Variants in CEMIP observed in about 807,000 individuals in gnomAD.
CEMIP encodes cell migration-inducing and hyaluronan-binding protein.
CEMIP carries 105 observed loss-of-function variants against 156.9 expected under a neutral mutation model. That is an observed-to-expected ratio of 0.67 (90% CI 0.57 to 0.79). The LOEUF (loss-of-function observed/expected upper bound fraction) is 0.79, where lower values mean the gene tolerates loss of function less well. Among genes scored for constraint, CEMIP ranks in the 30% least tolerant of loss-of-function variants. The pLI is 0.00. For synonymous variants in CEMIP, 676 were observed against 668.4 expected, an observed-to-expected ratio of 1.01 and a Z score of -0.17; for missense variants, 1,457 against 1,769.4, an observed-to-expected ratio of 0.82 and a Z score of 3.17.
chr15:80,806,619 A>G (rs2141615183), intron 1 of CEMIP, among the ~76,000 whole-genome samples: 1 of 152,310 alleles, frequency 6.6e-6, no homozygotes, highest in African/African-American at 2.4e-5. Context: ...TCATGGTAAA[A>G]TTAAGTATAA....
chr15:80,930,696 C>T (rs1214484502), intron 21 of CEMIP, among the ~76,000 whole-genome samples: 1 of 152,232 alleles, frequency 6.6e-6, no homozygotes, highest in African/African-American at 2.4e-5. Context: ...GGCATGTTAC[C>T]GTGACTGCTG....
chr15:80,951,486 T>G lies in CEMIP; in HGVS notation c.*2562T>G, dbSNP rs185981375. 1.6e-4 allele frequency: 24 copies of G among 152,788 alleles called. No homozygotes were observed. The highest frequency in any genetic ancestry group is 5.5e-4 in the African/African-American group (23 of 41,586). The allele number at this position is 152,788 out of a possible 1,614,324, so 9.5% of individuals were successfully genotyped here. A position where few individuals can be genotyped will look rare whatever the true frequency, so the allele number is the denominator to read the frequency against. On this transcript the variant is annotated 3_prime_UTR_variant, in exon 30 of 30. Coordinates refer to ENST00000394685, the MANE Select transcript of CEMIP (RefSeq NM_001293298.2). ...CAACGCTCCTCTGAAATGCTTGTCTTTTTTCTGTTGCCGAAATAGCTGGTC... is the reference window on the plus strand; with the variant it reads ...CAACGCTCCTCTGAAATGCTTGTCTGTTTTCTGTTGCCGAAATAGCTGGTC...
chr15:80,884,753 T>A (rs1898779650), intron 7 of CEMIP, among the ~76,000 whole-genome samples: 1 of 152,188 alleles, frequency 6.6e-6, no homozygotes, highest in African/African-American at 2.4e-5. Flanking sequence ...GTGAAGTGTC[T>A]CTGCTGAGGC....
chr15:80,911,685 G>C (rs559315565), intron 14 of CEMIP, among the ~76,000 whole-genome samples: 1 of 152,238 alleles, frequency 6.6e-6, no homozygotes, highest in African/African-American at 2.4e-5. Flanking sequence ...TCCTCTCAGG[G>C]TGGTTCAGTT....
rs1901148151 is a variant in CEMIP at position 80,936,905 on chromosome 15, G to C, written c.3221+20G>C. On this transcript the variant is annotated intron_variant, in intron 24 of 29. Transcript: ENST00000394685. The stretch of plus-strand genomic sequence containing the variant: ...CAACAAGTGAGTGGGTGTCCAGCCA[G>C]GAGCAGTGAGCTCAAAGCTGATAAC... 1 of 1,609,974 alleles carries C rather than the reference G, an allele frequency of 6.2e-7. No homozygotes were observed. The highest frequency in any genetic ancestry group is 8.5e-7 in the Non-Finnish European group (1 of 1,176,740).
intron 13 of CEMIP, among the ~76,000 whole-genome samples, chr15:80,908,077 A>G (rs1452597963): frequency 6.6e-6 from 1 of 152,180 alleles, no homozygotes; most frequent in African/African-American, 2.4e-5. Flanking sequence ...AGCGCTCCCC[A>G]GTTATTATCA....
intron 1 of CEMIP, among the ~76,000 whole-genome samples, chr15:80,825,824 C>T (rs1897023723): frequency 6.6e-6 from 1 of 152,186 alleles, no homozygotes; most frequent in South Asian, 2.1e-4. Context: ...CTAAGATCTG[C>T]AGATAGCTCT....
In CEMIP at chr15:80,904,508, A is replaced by G. The variant is rs115107182; in HGVS notation, c.1412-2155A>G. Among the ~76,000 whole-genome samples, 850 of 152,340 alleles carry G rather than the reference A, an allele frequency of 5.6e-3. 7 individuals are homozygous for G. Among genetic ancestry groups the G allele is most frequent in the African/African-American group, 0.019 (790 of 41,578 alleles). ...TTATGTGACAAAAGGGACTTTGCAG[A>G]TGTGGTAAATTAAGGTTCTGGAGAT... is the stretch of plus-strand genomic sequence containing the variant. On this transcript the variant is annotated intron_variant, in intron 12 of 29. Transcript: ENST00000394685.
chr15:80,890,254 T>C (rs79283020), intron 10 of CEMIP, among the ~76,000 whole-genome samples: 3,060 of 152,146 alleles, frequency 0.02, 100 homozygotes, highest in African/African-American at 0.07. Context: ...AAGACAAGAT[T>C]TGAGGCTGCT....
chr15:80,891,064 C>A lies in CEMIP; in HGVS notation c.1086+1472C>A, dbSNP rs372002376. On this transcript the variant is annotated intron_variant, in intron 10 of 29. Transcript: ENST00000394685. ...AACCTTGAATGTTCCAGCTTTAATTCTGAAATAGCCATAATCTTATCCCTC... is the reference window on the plus strand; with the variant it reads ...AACCTTGAATGTTCCAGCTTTAATTATGAAATAGCCATAATCTTATCCCTC... 2.6e-4 allele frequency among the ~76,000 whole-genome samples: 40 copies of A among 152,332 alleles called. 1 individual carries two copies. The South Asian group carries it at 8.3e-3, about 32-fold the overall frequency.
Position 80,835,996 on chromosome 15 carries a change from T to C in CEMIP, c.-175-37542T>C, listed in dbSNP as rs1161910850. ...TTTGGTTGGTTGGGAAACATCAAAA[T>C]AGGTCATGTGTAACTTGGTTTGCTC... is the stretch of plus-strand genomic sequence containing the variant. On this transcript the variant is annotated intron_variant, in intron 1 of 29. Coordinates refer to ENST00000394685, the MANE Select transcript of CEMIP (RefSeq NM_001293298.2). Among the ~76,000 whole-genome samples the C allele has an allele frequency of 2.1e-5, 3 of 145,852 alleles. No individual in the cohort carries two copies. In the Admixed American group the frequency reaches 2.1e-4, roughly 10 times the overall value.
intron 9 of CEMIP, among the ~76,000 whole-genome samples, chr15:80,889,229 A>G (rs1174482403): frequency 6.6e-6 from 1 of 152,280 alleles, no homozygotes; most frequent in African/African-American, 2.4e-5. Flanking sequence ...TTGCTTTTGC[A>G]ATAACAAAGA....
chr15:80,916,097 A>T (rs1900264573), intron 14 of CEMIP, among the ~76,000 whole-genome samples: 2 of 152,214 alleles, frequency 1.3e-5, no homozygotes, highest in Admixed American at 6.5e-5. Flanking sequence ...TACTTGCTGT[A>T]TACAGGTTGA....
At chr15:80,862,494 T>G (rs1898012402) in intron 1 of CEMIP, among the ~76,000 whole-genome samples, 1 of 152,142 alleles carries the variant, frequency 6.6e-6, no homozygotes. Flanking sequence ...AGGTCCTATG[T>G]GTGTTGAATG....
intron 7 of CEMIP, among the ~76,000 whole-genome samples, chr15:80,886,772 A>G (rs1407943110): frequency 6.6e-6 from 1 of 152,248 alleles, no homozygotes; most frequent in African/African-American, 2.4e-5. Context: ...AAAATGTGGT[A>G]GGACAAGGGG....
At chr15:80,813,492 G>A (rs564333367) in intron 1 of CEMIP, among the ~76,000 whole-genome samples, 1 of 152,114 alleles carries the variant, frequency 6.6e-6, no homozygotes, top group Non-Finnish European at 1.5e-5. Context: ...TGGGATTACA[G>A]GTGCTGCCAC....
intron 1 of CEMIP, among the ~76,000 whole-genome samples, chr15:80,860,025 GCA>G (rs1897947638): frequency 6.6e-6 from 1 of 151,894 alleles, no homozygotes; most frequent in African/African-American, 2.4e-5. Flanking sequence ...AGGCACACAC[GCA>G]CACACACATA....
intron 1 of CEMIP, among the ~76,000 whole-genome samples, chr15:80,857,940 G>A (rs776132962): frequency 6.6e-6 from 1 of 151,822 alleles, no homozygotes; most frequent in Non-Finnish European, 1.5e-5. Flanking sequence ...AAGCATTCCC[G>A]GCAGTAGGAG....
At position 80,924,657 on chromosome 15, in the gene CEMIP, GAGGC is replaced by G; in HGVS notation, c.2240_2243del (p.Glu747AlafsTer26). ...CATAGACAACGGAGTCAAAACCACC[GAGGC>G]CTCTGCCAAGGACAAGCGGCCGTTC... On this transcript the variant is annotated frameshift_variant, in exon 18 of 30. Coordinates refer to ENST00000394685, the MANE Select transcript of CEMIP (RefSeq NM_001293298.2). LOFTEE classifies it high-confidence loss of function. 1.2e-6 allele frequency: 2 copies of G among 1,614,164 alleles called. No homozygotes were observed. The highest frequency in any genetic ancestry group is 1.7e-6 in the Non-Finnish European group (2 of 1,180,038).
Sources: gnomAD v4.1 joint callset for allele counts (sites outside exome capture counted in the v4.1 genomes callset) on GRCh38, gnomAD v4.1.1 for gene constraint, MANE v1.5 for transcripts, NCBI Gene and HGNC (gene_info 2026-07-23, HGNC 2026-07-21) for gene names.